TENM1: variants seen among roughly 807,000 people sequenced by gnomAD.
TENM1 encodes teneurin-1.
A neutral mutation model predicts 174.8 loss-of-function variants in TENM1; 35 were observed. That is an observed-to-expected ratio of 0.20 (90% confidence interval 0.15 to 0.27). The LOEUF (loss-of-function observed/expected upper bound fraction) is 0.27. Ranked by LOEUF, TENM1 falls within the 10% of genes least tolerant of loss-of-function variation. The pLI is 1.00. For missense variants in TENM1, 1,633 were observed against 2,130.1 expected (o/e 0.77, Z 4.59); for synonymous variants, 781 against 798.7 (o/e 0.98, Z 0.37).
intron 1 of TENM1, among the ~76,000 whole-genome samples, chrX:124,902,270 A>G (rs1375616754): frequency 8.9e-6 from 1 of 112,280 alleles, no homozygotes; most frequent in East Asian, 2.8e-4. Context: ...GATATAGTAC[A>G]TATTAGTTAA....
chrX:124,825,092 T>C (rs1041461915), intron 3 of TENM1, among the ~76,000 whole-genome samples: 82 of 109,306 alleles, frequency 7.5e-4, no homozygotes, highest in African/African-American at 2.6e-3. Context: ...ATATATTGAT[T>C]TTGGATTGTA....
chrX:124,463,873 GTGT>G (rs758554260), intron 22 of TENM1, among the ~76,000 whole-genome samples: 5 of 103,454 alleles, frequency 4.8e-5, no homozygotes, highest in Non-Finnish European at 7.8e-5. Context: ...GTGTGTGTGT[GTGT>G]GGAGAGAGAG....
At chrX:124,641,867 T>G in exon 11 of TENM1, 4 of 1,211,215 alleles carry the variant, frequency 3.3e-6, no homozygotes. Context: ...TTCCGTGTCC[T>G]GAGCACTGCT....
intron 11 of TENM1, among the ~76,000 whole-genome samples, chrX:124,626,227 T>G (rs776298184): frequency 9.0e-6 from 1 of 110,915 alleles, no homozygotes; most frequent in African/African-American, 3.3e-5. Flanking sequence ...TTCCATTGAA[T>G]GTATGTATTT....
chrX:124,917,384 A>T (rs1400763436), intron 1 of TENM1, among the ~76,000 whole-genome samples: 1 of 111,834 alleles, frequency 8.9e-6, no homozygotes, highest in African/African-American at 3.3e-5. Context: ...CGGAGTTCTG[A>T]CTAATACAAA....
At chrX:124,503,824 GA>G in intron 18 of TENM1, 121 bp from the exon 22 acceptor site, 2 of 713,692 alleles carry the variant, frequency 2.8e-6, no homozygotes, top group Non-Finnish European at 4.2e-6. Flanking sequence ...GTTGAAATTT[GA>G]CTGCAAATTT....
At chrX:124,968,209 A>G (rs2058750136), upstream of TENM1, among the ~76,000 whole-genome samples, 1 of 111,956 alleles carries the variant, frequency 8.9e-6, no homozygotes. Context: ...TAAAAGGTAA[A>G]AATAATTCAC....
At position 124,705,006 on chromosome X, in the gene TENM1, G is replaced by A. The variant is rs925881690; in HGVS notation, c.1015+7C>T. The A allele has an allele frequency of 5.9e-6, 7 of 1,180,563 alleles. No homozygotes were observed. The highest frequency in any genetic ancestry group is 8.0e-6 in the Non-Finnish European group (7 of 871,148). ...AACAAAACTGAGGCATGACAAAAAGGACTTACCAATCACATAGGCTAGTAA... is the reference window on the plus strand; with the variant it reads ...AACAAAACTGAGGCATGACAAAAAGAACTTACCAATCACATAGGCTAGTAA... On this transcript the variant is annotated splice_region_variant and intron_variant, in intron 5 of 31. Transcript: ENST00000422452.
chrX:124,643,610 A>T (rs891649273), intron 10 of TENM1, among the ~76,000 whole-genome samples: 2 of 111,684 alleles, frequency 1.8e-5, no homozygotes, highest in African/African-American at 6.5e-5. Context: ...GTGTGAGCCA[A>T]ACAAAACCCA....
intron 11 of TENM1, among the ~76,000 whole-genome samples, chrX:124,618,836 T>A (rs2050452313): frequency 8.9e-6 from 1 of 112,376 alleles, no homozygotes; most frequent in African/African-American, 3.2e-5. Flanking sequence ...ATCCCAGCAC[T>A]TAGGGAGGCT....
chrX:124,861,246 T>G (rs923387924), intron 3 of TENM1, among the ~76,000 whole-genome samples: 1 of 111,947 alleles, frequency 8.9e-6, no homozygotes, highest in Non-Finnish European at 1.9e-5. Flanking sequence ...TATCTTTCTG[T>G]TTTTTGGTTG....
At chrX:124,758,592 T>C (rs759758974) in intron 3 of TENM1, among the ~76,000 whole-genome samples, 1 of 111,865 alleles carries the variant, frequency 8.9e-6, no homozygotes, top group Admixed American at 9.5e-5. Context: ...CATTCTCACG[T>C]CCATTGTATT....
the TENM1 span, among the ~76,000 whole-genome samples, chrX:125,150,199 A>C: frequency 6.2e-5 from 7 of 112,142 alleles, no homozygotes; most frequent in African/African-American, 1.9e-4. Context: ...TCATACATGC[A>C]GACTACGCTT....
At chrX:125,040,944 A>G in the TENM1 span, among the ~76,000 whole-genome samples, 1 of 111,705 alleles carries the variant, frequency 9.0e-6, no homozygotes. Flanking sequence ...CCTGATCTAC[A>G]ACTCATTCTC....
chrX:124,548,819 G>A (rs758964086), intron 14 of TENM1, among the ~76,000 whole-genome samples: 2 of 111,308 alleles, frequency 1.8e-5, no homozygotes, highest in African/African-American at 3.3e-5. Flanking sequence ...CAATGAAAGC[G>A]AGGAACACCA....
the TENM1 span, among the ~76,000 whole-genome samples, chrX:125,134,477 A>G: frequency 8.9e-6 from 1 of 112,093 alleles, no homozygotes; most frequent in Non-Finnish European, 1.9e-5. Flanking sequence ...AATCCTCTGG[A>G]TGCAGTTCTC....
chrX:125,057,138 C>CAT, the TENM1 span, among the ~76,000 whole-genome samples: 15 of 111,782 alleles, frequency 1.3e-4, no homozygotes, highest in Non-Finnish European at 2.4e-4. Flanking sequence ...CATTTTTATG[C>CAT]ATATATATAT....
chrX:125,037,808 C>T, the TENM1 span, among the ~76,000 whole-genome samples: 19 of 111,524 alleles, frequency 1.7e-4, no homozygotes, highest in Non-Finnish European at 3.0e-4. Context: ...ATAAATTAGT[C>T]TCTCTAGGCT....
At chrX:124,869,388 G>C (rs1458548248) in intron 3 of TENM1, among the ~76,000 whole-genome samples, 1 of 111,733 alleles carries the variant, frequency 8.9e-6, no homozygotes, top group Non-Finnish European at 1.9e-5. Flanking sequence ...GAACAGTTTG[G>C]AGATTCTTCA....
Sources: allele counts gnomAD v4.1 joint callset (sites outside exome capture counted in the v4.1 genomes callset), GRCh38; gene constraint gnomAD v4.1.1; transcripts MANE v1.5; gene names NCBI Gene and HGNC (gene_info 2026-07-23, HGNC 2026-07-21).